Variants in ABCC1 observed in about 807,000 individuals in gnomAD.
ABCC1 encodes the protein multidrug resistance-associated protein 1.
A neutral mutation model predicts 172.9 loss-of-function variants in ABCC1; 83 were observed. The observed-to-expected ratio is 0.48, with a 90% CI of 0.40 to 0.58. The LOEUF is 0.58. Ranked by LOEUF, ABCC1 falls within the 20% of genes least tolerant of loss-of-function variation. The probability of loss-of-function intolerance (pLI) is 0.00; values close to 1 mark genes in which losing one functional copy is unlikely to be tolerated. For missense variants in ABCC1, 1,817 were observed against 2,002.7 expected (o/e 0.91, Z 1.77); for synonymous variants, 937 against 825.2 (o/e 1.14, Z -2.32).
chr16:15,965,631 A>T lies in ABCC1; in HGVS notation c.48+15832A>T, dbSNP rs545971072. ...TAACTTTTTTGAGACAGCATCTTAT[A>T]CCATCACCCAGGCTGGAGTGCATTG... On this transcript the variant is annotated intron_variant, in intron 1 of 30. Transcript: ENST00000399410. 4.7e-5 allele frequency among the ~76,000 whole-genome samples: 7 copies of T among 150,302 alleles called. No individual in the cohort carries two copies. The East Asian group carries it at 1.4e-3, about 30-fold the overall frequency.
At chr16:16,056,512 C>CA in intron 12 of ABCC1, 1 of 582,614 alleles carries the variant, frequency 1.7e-6, no homozygotes, top group Non-Finnish European at 3.0e-6. Flanking sequence ...ACTAAAAATA[C>CA]AAAAAAATAA....
chr16:15,976,687 A>G (rs1352729610), intron 1 of ABCC1, among the ~76,000 whole-genome samples: 1 of 152,106 alleles, frequency 6.6e-6, no homozygotes, highest in Non-Finnish European at 1.5e-5. Context: ...TGAGCTGTTT[A>G]CTCCAACAGT....
chr16:16,016,483 C>G lies in ABCC1; in HGVS notation c.490-13C>G. ...AATGTGATCTTTTTCTTCCTTCCTT[C>G]CCCACCATGTAGGATGCCCAGGTGG... On this transcript the variant is annotated splice_polypyrimidine_tract_variant and intron_variant, in intron 4 of 30. Coordinates refer to ENST00000399410, the MANE Select transcript of ABCC1 (RefSeq NM_004996.4). The G allele has an allele frequency of 6.2e-7, 1 of 1,613,768 alleles. No individual in the cohort carries two copies. The highest frequency in any genetic ancestry group is 8.5e-7 in the Non-Finnish European group (1 of 1,179,894).
chr16:16,090,261 A>G, intron 18 of ABCC1, 144 bp from the exon 19 acceptor site: 1 of 739,210 alleles, frequency 1.4e-6, no homozygotes, highest in South Asian at 2.1e-5. Context: ...GGATGCTGTT[A>G]TCGCGGGTGC....
At chr16:16,039,241 G>GTA (rs754553252) in intron 7 of ABCC1, among the ~76,000 whole-genome samples, 15,778 of 105,646 alleles carry the variant, frequency 0.15, 877 homozygotes, top group Non-Finnish European at 0.17. Context: ...GTGTATGTAT[G>GTA]TGTGTGTGTG....
intron 21 of ABCC1, among the ~76,000 whole-genome samples, chr16:16,108,335 C>T (rs534673067): frequency 2.5e-4 from 36 of 142,272 alleles, no homozygotes; most frequent in East Asian, 1.0e-3. Flanking sequence ...GCTGTAGTGC[C>T]GTGGCGCTCA....
intron 26 of ABCC1, among the ~76,000 whole-genome samples, 164 bp from the exon 27 acceptor site, chr16:16,131,625 G>A (rs555573741): frequency 6.6e-6 from 1 of 152,296 alleles, no homozygotes; most frequent in South Asian, 2.1e-4. Context: ...CAGGATGCAA[G>A]GGGGTCATTT....
chr16:16,129,789 C>T (rs1051888672), intron 26 of ABCC1, among the ~76,000 whole-genome samples: 6 of 152,114 alleles, frequency 3.9e-5, no homozygotes, highest in South Asian at 2.1e-4. Context: ...CTGCCCACCT[C>T]GGCCTCCCTA....
chr16:16,008,732 A>G (rs1438473285), intron 2 of ABCC1, among the ~76,000 whole-genome samples: 2 of 151,274 alleles, frequency 1.3e-5, no homozygotes, highest in African/African-American at 2.4e-5. Flanking sequence ...AATCTTAGCA[A>G]CTTGGGAGGC....
chr16:16,012,747 A>C (rs940636835), intron 3 of ABCC1, among the ~76,000 whole-genome samples: 1 of 145,486 alleles, frequency 6.9e-6, no homozygotes, highest in African/African-American at 2.6e-5. Flanking sequence ...CAATGGCATG[A>C]TCTTGGCTCA....
intron 5 of ABCC1, among the ~76,000 whole-genome samples, chr16:16,024,055 C>A (rs2048286290): frequency 6.6e-6 from 1 of 151,990 alleles, no homozygotes; most frequent in Non-Finnish European, 1.5e-5. Context: ...CCCGTCTCTA[C>A]TGATCATAAA....
chr16:15,989,189 C>T (rs1017070689), intron 1 of ABCC1, among the ~76,000 whole-genome samples: 1 of 152,020 alleles, frequency 6.6e-6, no homozygotes, highest in Non-Finnish European at 1.5e-5. Context: ...CCCCTGCCTT[C>T]CTGGGTGATG....
At chr16:15,999,995 C>A (rs1456628787) in intron 1 of ABCC1, among the ~76,000 whole-genome samples, 1 of 150,106 alleles carries the variant, frequency 6.7e-6, no homozygotes, top group African/African-American at 2.4e-5. Context: ...GCTGGGACTA[C>A]AGGTGCATGC....
chr16:15,979,286 T>A (rs2046564370), intron 1 of ABCC1, among the ~76,000 whole-genome samples: 1 of 151,606 alleles, frequency 6.6e-6, no homozygotes, highest in Non-Finnish European at 1.5e-5. Context: ...CAAGACTCTG[T>A]CTCAAACAAA....
At chr16:16,136,697 C>T (rs928659696) in intron 29 of ABCC1, 53 bp downstream of exon 29, 23 of 1,578,502 alleles carry the variant, frequency 1.5e-5, no homozygotes, top group Middle Eastern at 1.7e-4. Flanking sequence ...GGCGCCATCT[C>T]GGTAGGGGTG....
chr16:16,097,183 G>A (rs1268455992), intron 19 of ABCC1, among the ~76,000 whole-genome samples: 1 of 152,136 alleles, frequency 6.6e-6, no homozygotes, highest in Non-Finnish European at 1.5e-5. Context: ...TGCAATCTCG[G>A]CTCACTGCAA....
At chr16:16,131,532 C>T (rs1404451374) in intron 26 of ABCC1, among the ~76,000 whole-genome samples, 1 of 152,170 alleles carries the variant, frequency 6.6e-6, no homozygotes, top group Non-Finnish European at 1.5e-5. Context: ...TGGGGACAGG[C>T]AGTGCCCTGA....
chr16:16,129,539 GT>G (rs551659773), intron 26 of ABCC1, among the ~76,000 whole-genome samples: 3,333 of 137,316 alleles, frequency 0.024, 51 homozygotes, highest in Middle Eastern at 0.044. Context: ...GTTTTTTTTT[GT>G]TTTTTTTTTT....
chr16:16,008,440 A>G (rs1314671232), intron 2 of ABCC1, among the ~76,000 whole-genome samples: 1 of 151,726 alleles, frequency 6.6e-6, no homozygotes, highest in Non-Finnish European at 1.5e-5. Context: ...CCTGGCCTCA[A>G]GCAGTCCTCC....
Sources: allele counts gnomAD v4.1 joint callset (sites outside exome capture counted in the v4.1 genomes callset), GRCh38; gene constraint gnomAD v4.1.1; transcripts MANE v1.5; gene names NCBI Gene and HGNC (gene_info 2026-07-23, HGNC 2026-07-21).